Variants in MECOM observed in about 807,000 individuals in gnomAD.
MECOM encodes histone-lysine N-methyltransferase MECOM.
A neutral mutation model predicts 116.3 loss-of-function variants in MECOM; 13 were observed. The observed-to-expected ratio is 0.11, with a 90% CI of 0.07 to 0.18. MECOM has a LOEUF of 0.18. Among genes scored for constraint, MECOM ranks in the 10% least tolerant of loss-of-function variants. The pLI, the probability that MECOM is intolerant of heterozygous loss-of-function variation, is 1.00. For synonymous variants in MECOM, 528 were observed against 535.2 expected, an observed-to-expected ratio of 0.99 and a Z score of 0.19; for missense variants, 1,299 against 1,509.0, an observed-to-expected ratio of 0.86 and a Z score of 2.31.
chr3:169,447,032 GA>G (rs1217155982), intron 1 of MECOM, among the ~76,000 whole-genome samples: 1 of 152,156 alleles, frequency 6.6e-6, no homozygotes, highest in Admixed American at 6.5e-5. Context: ...TTTATGTTAT[GA>G]AAAGGGATCC....
intron 1 of MECOM, among the ~76,000 whole-genome samples, chr3:169,587,426 AACACACACACAC>A (rs3980637): frequency 0.064 from 9,054 of 141,024 alleles, 354 homozygotes; most frequent in Non-Finnish European, 0.073. Flanking sequence ...CCCACACGCC[AACACACACACAC>A]ACACACACAC....
At position 169,408,218 on chromosome 3, in the gene MECOM, A is replaced by T. The variant is rs16853667; in HGVS notation, c.38-26694T>A. Among the ~76,000 whole-genome samples the T allele has an allele frequency of 6.2e-3, 938 of 152,354 alleles. 9 individuals carry two copies. Among genetic ancestry groups the T allele is most frequent in the African/African-American group, 0.022 (903 of 41,582 alleles). On this transcript the variant is annotated intron_variant, in intron 1 of 16. Coordinates refer to ENST00000651503, the MANE Select transcript of MECOM (RefSeq NM_004991.4). ...GTATAAAAATGACAGATATAAGAGG[A>T]GGCCAAGCATGCCATGAAATGAGAC...
chr3:169,217,513 G>A (rs114341417), intron 2 of MECOM, among the ~76,000 whole-genome samples: 2,126 of 152,184 alleles, frequency 0.014, 32 homozygotes, highest in Non-Finnish European at 0.021. Flanking sequence ...GGCCGAGCAC[G>A]GTGGCTCACA....
At chr3:169,421,699 AC>A (rs1456316944) in intron 1 of MECOM, among the ~76,000 whole-genome samples, 3 of 151,750 alleles carry the variant, frequency 2.0e-5, no homozygotes, top group African/African-American at 4.8e-5. Flanking sequence ...AAAAAAAAAA[AC>A]AAAACGATTT....
intron 1 of MECOM, among the ~76,000 whole-genome samples, chr3:169,413,692 C>T (rs1394234646): frequency 1.3e-5 from 2 of 152,034 alleles, no homozygotes; most frequent in African/African-American, 4.8e-5. Context: ...GATGCTCCAG[C>T]TTGGTTGGGG....
Position 169,663,445 on chromosome 3 carries a change from C to T in MECOM, c.-73G>A. 1 of 1,423,388 alleles carries T rather than the reference C, an allele frequency of 7.0e-7. No individual in the cohort carries two copies. Among genetic ancestry groups the T allele is most frequent in the Non-Finnish European group, 9.7e-7 (1 of 1,031,672 alleles). The allele number at this position is 1,423,388 out of a possible 1,614,324, so 88.2% of individuals were successfully genotyped here. A position where few individuals can be genotyped will look rare whatever the true frequency, so the allele number is the denominator to read the frequency against. On this transcript the variant is annotated 5_prime_UTR_variant, in exon 1 of 17. Transcript: ENST00000651503. ...TCTTGGATCCTTTCCTTCTTTTGCT[C>T]TCCCTCTCGCTCCCTCCCTCTCTCT... is the stretch of plus-strand genomic sequence containing the variant.
chr3:169,523,807 T>C (rs951025535), intron 1 of MECOM, among the ~76,000 whole-genome samples: 5 of 151,654 alleles, frequency 3.3e-5, no homozygotes, highest in African/African-American at 9.7e-5. Flanking sequence ...ACATACCTTC[T>C]ATTATATATA....
intron 1 of MECOM, among the ~76,000 whole-genome samples, chr3:169,653,212 G>A (rs1775129385): frequency 6.6e-6 from 1 of 152,148 alleles, no homozygotes. Flanking sequence ...AGGTTTTACA[G>A]CCAAAGAAAT....
chr3:169,212,661 T>TGCA, intron 2 of MECOM, among the ~76,000 whole-genome samples: 1 of 113,146 alleles, frequency 8.8e-6, no homozygotes, highest in Non-Finnish European at 1.9e-5. Context: ...TATATATATA[T>TGCA]ATATATATAT....
intron 2 of MECOM, chr3:169,146,595 CGAG>C: frequency 7.3e-7 from 1 of 1,372,112 alleles, no homozygotes. Context: ...AGACTGCGGG[CGAG>C]GAGGAAAGAA....
intron 1 of MECOM, among the ~76,000 whole-genome samples, chr3:169,451,082 A>G (rs1253304962): frequency 6.6e-6 from 1 of 152,162 alleles, no homozygotes; most frequent in Non-Finnish European, 1.5e-5. Context: ...TAATCCAGTC[A>G]TCTTTCTCCA....
intron 2 of MECOM, among the ~76,000 whole-genome samples, chr3:169,223,162 G>A (rs1243775091): frequency 6.6e-6 from 1 of 151,372 alleles, no homozygotes; most frequent in East Asian, 2.0e-4. Flanking sequence ...AAGTTCTAGG[G>A]TACATGTGCA....
intron 2 of MECOM, among the ~76,000 whole-genome samples, chr3:169,199,544 G>T (rs1210691172): frequency 6.6e-6 from 1 of 152,000 alleles, no homozygotes; most frequent in Admixed American, 6.6e-5. Context: ...CTCTTGAAGT[G>T]CTGGGATTAC....
intron 3 of MECOM, chr3:169,134,028 T>G: frequency 9.4e-7 from 1 of 1,062,960 alleles, no homozygotes; most frequent in Non-Finnish European, 1.3e-6. Context: ...ATAGTGAGGT[T>G]AAAGAGACAA....
At chr3:169,620,143 A>G (rs1770534830) in intron 1 of MECOM, among the ~76,000 whole-genome samples, 1 of 152,206 alleles carries the variant, frequency 6.6e-6, no homozygotes, top group Non-Finnish European at 1.5e-5. Flanking sequence ...ATTTTAACAC[A>G]AGGCTCAGAG....
intron 2 of MECOM, among the ~76,000 whole-genome samples, chr3:169,214,428 A>T (rs1255989460): frequency 3.6e-5 from 4 of 110,284 alleles, no homozygotes; most frequent in African/African-American, 6.7e-5. Context: ...AGGAGTGTTT[A>T]AAAAAAAAAA....
chr3:169,471,585 C>T (rs1749254254), intron 1 of MECOM, among the ~76,000 whole-genome samples: 1 of 152,178 alleles, frequency 6.6e-6, no homozygotes, highest in South Asian at 2.1e-4. Context: ...CCCAGCTGAG[C>T]ATTAATTATT....
chr3:169,663,107 G>A (rs1776546021), intron 1 of MECOM, among the ~76,000 whole-genome samples: 1 of 147,680 alleles, frequency 6.8e-6, no homozygotes, highest in Non-Finnish European at 1.5e-5. Context: ...GTCGGTGCGC[G>A]GGACTGAGGG....
intron 2 of MECOM, among the ~76,000 whole-genome samples, chr3:169,372,220 AC>A (rs1730259493): frequency 6.6e-6 from 1 of 152,092 alleles, no homozygotes; most frequent in Admixed American, 6.6e-5. Flanking sequence ...AACTGATTAA[AC>A]TAATTTGGAG....
Sources: gnomAD v4.1 joint callset for allele counts (sites outside exome capture counted in the v4.1 genomes callset) on GRCh38, gnomAD v4.1.1 for gene constraint, MANE v1.5 for transcripts, NCBI Gene and HGNC (gene_info 2026-07-23, HGNC 2026-07-21) for gene names.